The following PRKCE variants were observed in gnomAD, a reference collection of about 807,000 sequenced individuals.
The protein encoded by PRKCE is protein kinase C epsilon, also known as protein kinase C epsilon type.
Under a neutral mutation model 85.4 loss-of-function variants are expected in PRKCE, and 16 were observed. The ratio of observed to expected loss-of-function variants is 0.19; its 90% confidence interval spans 0.13 to 0.28. The LOEUF (loss-of-function observed/expected upper bound fraction) is 0.28, where lower values mean the gene tolerates loss of function less well. Ranked by LOEUF, PRKCE falls within the 10% of genes least tolerant of loss-of-function variation. The probability of loss-of-function intolerance (pLI) is 1.00; values close to 1 mark genes in which losing one functional copy is unlikely to be tolerated. For missense variants in PRKCE, 573 were observed against 975.2 expected (o/e 0.59, Z 5.49); for synonymous variants, 388 against 371.5 (o/e 1.04, Z -0.51).
chr2:46,083,635 C>T (rs753160535), intron 10 of PRKCE, among the ~76,000 whole-genome samples: 1 of 152,184 alleles, frequency 6.6e-6, no homozygotes, highest in Non-Finnish European at 1.5e-5. Context: ...TGCTGCAGGG[C>T]AGAGGCTGTC....
At chr2:46,153,577 G>A (rs551461516) in intron 13 of PRKCE, among the ~76,000 whole-genome samples, 19 of 152,224 alleles carry the variant, frequency 1.2e-4, no homozygotes, top group African/African-American at 4.3e-4. Flanking sequence ...GTGGCTACTG[G>A]GGGAAAGGGC....
At chr2:45,848,860 C>T (rs1370374134) in intron 2 of PRKCE, among the ~76,000 whole-genome samples, 1 of 152,114 alleles carries the variant, frequency 6.6e-6, no homozygotes, top group Non-Finnish European at 1.5e-5. Flanking sequence ...AAGTCGGGAC[C>T]AGAATAACCC....
At chr2:45,714,942 A>G (rs963462066) in intron 1 of PRKCE, among the ~76,000 whole-genome samples, 1 of 152,236 alleles carries the variant, frequency 6.6e-6, no homozygotes, top group Non-Finnish European at 1.5e-5. Flanking sequence ...GGACAAGCAG[A>G]CAACCACAAG....
chr2:45,860,147 T>C (rs1473201203), intron 2 of PRKCE, among the ~76,000 whole-genome samples: 15 of 152,218 alleles, frequency 9.9e-5, no homozygotes, highest in Non-Finnish European at 2.9e-5. Context: ...AAGTTGTTTA[T>C]CATTGTATCC....
At position 45,697,541 on chromosome 2, in the gene PRKCE, T is replaced by C. The variant is rs1021182382; in HGVS notation, c.348+45093T>C. ...GAGGGACAGAGAACAGGCTCTGCTC[T>C]TCACTCAGGGTGGACTGGTTGGCAT... On this transcript the variant is annotated intron_variant, in intron 1 of 14. Coordinates refer to ENST00000306156, the MANE Select transcript of PRKCE (RefSeq NM_005400.3). This position sits in a 1 kb window ranked among gnomAD's most constrained non-coding sequence, Gnocchi z 4.2. 3.3e-5 allele frequency among the ~76,000 whole-genome samples: 5 copies of C among 152,146 alleles called. 1 individual carries two copies. The highest frequency in any genetic ancestry group is 2.0e-4 in the Admixed American group (3 of 15,280).
intron 1 of PRKCE, among the ~76,000 whole-genome samples, chr2:45,792,587 G>A (rs984094909): frequency 6.6e-6 from 1 of 152,084 alleles, no homozygotes; most frequent in Non-Finnish European, 1.5e-5. Context: ...GCTGCCTGGT[G>A]CTCAAGTTCC....
At chr2:46,112,978 C>T (rs952076362) in intron 11 of PRKCE, among the ~76,000 whole-genome samples, 4 of 152,154 alleles carry the variant, frequency 2.6e-5, no homozygotes, top group African/African-American at 9.7e-5. Context: ...GAATCTATAA[C>T]ATATTGTCAT....
In PRKCE at chr2:46,105,312, C is replaced by T. The variant is rs116495006; in HGVS notation, c.1592+18950C>T. Among the ~76,000 whole-genome samples, 1,305 of 152,244 alleles carry T rather than the reference C, an allele frequency of 8.6e-3. 18 individuals are homozygous for T. Among genetic ancestry groups the T allele is most frequent in the African/African-American group, 0.031 (1,268 of 41,534 alleles). On this transcript the variant is annotated intron_variant, in intron 11 of 14. Transcript: ENST00000306156. ...ATCATATTAGAGTCTATAGCTAGGGCTTTCTTATAGCAACCCTGAGCCCCT... is the reference window on the plus strand; with the variant it reads ...ATCATATTAGAGTCTATAGCTAGGGTTTTCTTATAGCAACCCTGAGCCCCT...
Position 46,159,564 on chromosome 2 carries a change from A to G in PRKCE, c.1921-42A>G. 6.4e-7 allele frequency: 1 copy of G among 1,554,280 alleles called. No homozygotes were observed. Among genetic ancestry groups the G allele is most frequent in the Non-Finnish European group, 8.6e-7 (1 of 1,157,202 alleles). On this transcript the variant is annotated intron_variant, in intron 13 of 14. Transcript: ENST00000306156. The surrounding 1 kb of genome is among the most constrained non-coding windows in gnomAD (Gnocchi z 4.1). ...CTGTCCCTTATAGCCTGTGCTGGCC[A>G]GGCCTTTGTCACTAATTCCGACTCT... is the stretch of plus-strand genomic sequence containing the variant.
At chr2:45,868,015 C>T (rs913389174) in intron 2 of PRKCE, among the ~76,000 whole-genome samples, 4 of 152,012 alleles carry the variant, frequency 2.6e-5, no homozygotes, top group African/African-American at 7.2e-5. Flanking sequence ...GCCTCATTCC[C>T]GCCAGGTTTT....
chr2:46,078,630 G>C (rs1431001574), intron 10 of PRKCE: 1 of 151,834 alleles, frequency 6.6e-6, no homozygotes, highest in East Asian at 1.9e-4. Flanking sequence ...CTATGTCCTG[G>C]ATCTATGCAC....
At chr2:46,060,384 G>A (rs1474163558) in intron 10 of PRKCE, among the ~76,000 whole-genome samples, 1 of 152,148 alleles carries the variant, frequency 6.6e-6, no homozygotes, top group African/African-American at 2.4e-5. Flanking sequence ...CCTGCCCATG[G>A]TTTTACAATA....
chr2:45,717,187 T>A (rs1522986), intron 1 of PRKCE, among the ~76,000 whole-genome samples: 17,718 of 152,226 alleles, frequency 0.12, 1,111 homozygotes, highest in East Asian at 0.16. Context: ...CAGATGAGGA[T>A]GATAGAATTA....
At chr2:45,974,298 C>T (rs1702293247) in intron 2 of PRKCE, among the ~76,000 whole-genome samples, 1 of 152,186 alleles carries the variant, frequency 6.6e-6, no homozygotes, top group African/African-American at 2.4e-5. Context: ...CTGGGTCCTC[C>T]CGTGAGAATT....
At chr2:45,899,758 G>C (rs1173842318) in intron 2 of PRKCE, among the ~76,000 whole-genome samples, 1 of 152,178 alleles carries the variant, frequency 6.6e-6, no homozygotes, top group Admixed American at 6.5e-5. Flanking sequence ...TGGGCCTGTA[G>C]GTAGTGCTGT....
intron 10 of PRKCE, among the ~76,000 whole-genome samples, chr2:46,080,159 C>T (rs911018511): frequency 2.6e-5 from 4 of 152,182 alleles, no homozygotes; most frequent in African/African-American, 9.7e-5. Context: ...GGTTTGCCAG[C>T]TTTCTTTTGA....
intron 1 of PRKCE, among the ~76,000 whole-genome samples, chr2:45,709,820 T>G (rs1679454886): frequency 6.6e-6 from 1 of 152,208 alleles, no homozygotes; most frequent in South Asian, 2.1e-4. Flanking sequence ...ATCTTTTTTT[T>G]TGTTTGTTTG....
At chr2:45,661,555 G>T (rs1675658727) in intron 1 of PRKCE, among the ~76,000 whole-genome samples, 1 of 124,142 alleles carries the variant, frequency 8.1e-6, no homozygotes, top group Non-Finnish European at 1.6e-5. Flanking sequence ...TTTAGAAGGA[G>T]TCTCGCTCTG....
intron 10 of PRKCE, among the ~76,000 whole-genome samples, chr2:46,022,297 A>G (rs1456475863): frequency 1.3e-5 from 2 of 152,216 alleles, no homozygotes; most frequent in East Asian, 1.9e-4. Context: ...TACATGACCT[A>G]TACGATCCCT....
Sources: gnomAD v4.1 joint callset for allele counts (sites outside exome capture counted in the v4.1 genomes callset) on GRCh38, gnomAD v4.1.1 for gene constraint, Gnocchi (gnomAD v3.1) non-coding constraint, MANE v1.5 for transcripts, NCBI Gene and HGNC (gene_info 2026-07-23, HGNC 2026-07-21) for gene names.